Variants in COL10A1 observed in about 807,000 individuals in gnomAD.
The protein encoded by COL10A1 is collagen type X alpha 1 chain.
A neutral mutation model predicts 18.2 loss-of-function variants in COL10A1; 10 were observed. That is an observed-to-expected ratio of 0.55 (90% CI 0.34 to 0.93). The LOEUF (loss-of-function observed/expected upper bound fraction) is 0.93. Ranked by LOEUF, COL10A1 falls within the 40% of genes least tolerant of loss-of-function variation. The probability of loss-of-function intolerance (pLI) is 0.02; values close to 1 mark genes in which losing one functional copy is unlikely to be tolerated. For missense variants in COL10A1, 897 were observed against 853.5 expected, an observed-to-expected ratio of 1.05 and a Z score of -0.64; for synonymous variants, 330 against 316.6, an observed-to-expected ratio of 1.04 and a Z score of -0.45.
the COL10A1 span, among the ~76,000 whole-genome samples, chr6:116,185,559 G>C: frequency 1.3e-5 from 2 of 151,954 alleles, no homozygotes; most frequent in Admixed American, 6.6e-5. Flanking sequence ...TGTTGGGTGC[G>C]TATATAGTTA....
At chr6:116,185,452 C>T in the COL10A1 span, among the ~76,000 whole-genome samples, 3 of 152,058 alleles carry the variant, frequency 2.0e-5, no homozygotes, top group Admixed American at 1.3e-4. Context: ...CTAATGCTGT[C>T]AGTGGAGTAT....
intron 1 of COL10A1, among the ~76,000 whole-genome samples, chr6:116,141,596 A>C (rs992158815): frequency 6.6e-6 from 1 of 152,044 alleles, no homozygotes; most frequent in Non-Finnish European, 1.5e-5. Context: ...CCTTTTTCTA[A>C]TGGAATTAGT....
chr6:116,173,813 A>T, the COL10A1 span, among the ~76,000 whole-genome samples: 4 of 152,192 alleles, frequency 2.6e-5, no homozygotes, highest in East Asian at 7.7e-4. Context: ...TACCTTTGTC[A>T]CATCTAAGAA....
chr6:116,200,318 A>T, the COL10A1 span, among the ~76,000 whole-genome samples: 1 of 152,074 alleles, frequency 6.6e-6, no homozygotes, highest in African/African-American at 2.4e-5. Context: ...AGTAAACGTA[A>T]TATGGTATCC....
the COL10A1 span, among the ~76,000 whole-genome samples, chr6:116,188,372 C>T: frequency 6.6e-5 from 10 of 152,042 alleles, no homozygotes; most frequent in African/African-American, 1.9e-4. Context: ...TAGTGGCATT[C>T]ACTATTACAC....
chr6:116,180,238 G>A, the COL10A1 span, among the ~76,000 whole-genome samples: 1 of 152,016 alleles, frequency 6.6e-6, no homozygotes, highest in African/African-American at 2.4e-5. Context: ...ATTTTTCAAC[G>A]TTTAGAGGAT....
At chr6:116,160,051 A>G (rs1022357880), upstream of COL10A1, among the ~76,000 whole-genome samples, 1 of 152,094 alleles carries the variant, frequency 6.6e-6, no homozygotes, top group Non-Finnish European at 1.5e-5. Flanking sequence ...TGACTTTGCT[A>G]TTGTGAATAG....
the COL10A1 span, among the ~76,000 whole-genome samples, chr6:116,200,522 T>C: frequency 2.6e-5 from 4 of 152,092 alleles, no homozygotes; most frequent in African/African-American, 9.7e-5. Flanking sequence ...TTTGTAATTT[T>C]TCTGTCCATC....
intron 1 of COL10A1, among the ~76,000 whole-genome samples, chr6:116,140,597 T>G (rs557284949): frequency 1.3e-5 from 2 of 152,302 alleles, no homozygotes; most frequent in South Asian, 4.1e-4. Context: ...CCTGATGGCA[T>G]TCCCTGTGTT....
In COL10A1 at chr6:116,125,325, AC is replaced by A; in HGVS notation, c.154+13del. 1.9e-6 allele frequency: 3 copies of A among 1,612,726 alleles called. No homozygotes were observed. Among genetic ancestry groups the A allele is most frequent in the Non-Finnish European group, 1.7e-6 (2 of 1,179,122 alleles). Reference sequence around the variant, plus strand: ...GCAACTTGTTAATAGAACAAAATATACAATTCAATTTACCTTTACTCTTTAT... The same window carrying A: ...GCAACTTGTTAATAGAACAAAATATAAATTCAATTTACCTTTACTCTTTAT... On this transcript the variant is annotated intron_variant, in intron 2 of 2. Transcript: ENST00000651968.
the COL10A1 span, among the ~76,000 whole-genome samples, chr6:116,183,646 ATT>A: frequency 2.0e-5 from 3 of 146,602 alleles, no homozygotes; most frequent in African/African-American, 7.5e-5. Flanking sequence ...TTATTTTATT[ATT>A]TTTTTTTTGC....
the COL10A1 span, among the ~76,000 whole-genome samples, chr6:116,182,154 A>G: frequency 1.1e-4 from 16 of 151,618 alleles, no homozygotes; most frequent in African/African-American, 3.2e-4. Context: ...AGAACCTCCA[A>G]TTTCATCCAG....
At chr6:116,125,143 A>G (rs552989772) in intron 2 of COL10A1, among the ~76,000 whole-genome samples, 196 bp downstream of exon 2, 1 of 152,328 alleles carries the variant, frequency 6.6e-6, no homozygotes, top group African/African-American at 2.4e-5. Context: ...TATATTTTCA[A>G]GTATATCCTT....
chr6:116,175,679 T>C, the COL10A1 span, among the ~76,000 whole-genome samples: 1 of 152,216 alleles, frequency 6.6e-6, no homozygotes, highest in Non-Finnish European at 1.5e-5. Flanking sequence ...TTCAGTGATA[T>C]TTCCTTAGTT....
chr6:116,147,971 C>A (rs1196605222), intron 1 of COL10A1, among the ~76,000 whole-genome samples: 1 of 148,538 alleles, frequency 6.7e-6, no homozygotes, highest in Non-Finnish European at 1.5e-5. Flanking sequence ...GGCGACAGAG[C>A]GAGACTCTGT....
chr6:116,195,895 A>G, the COL10A1 span, among the ~76,000 whole-genome samples: 1 of 152,028 alleles, frequency 6.6e-6, no homozygotes, highest in Non-Finnish European at 1.5e-5. Flanking sequence ...TTAAGCCACA[A>G]GTTGGAAAGG....
At chr6:116,133,748 C>T (rs1299268632) in intron 1 of COL10A1, among the ~76,000 whole-genome samples, 1 of 152,212 alleles carries the variant, frequency 6.6e-6, no homozygotes, top group African/African-American at 2.4e-5. Context: ...CCTGCCATCC[C>T]TGGTTCCTGC....
In COL10A1 at chr6:116,120,750, G is replaced by A. The variant is rs768672956; in HGVS notation, c.1366C>T (p.Pro456Ser). The change falls in exon 3 of 3, where the codon CCA becomes TCA. Residue 456 changes from proline to serine, a missense_variant. By Grantham distance (74) the Pro-to-Ser change is moderately conservative. Transcript: ENST00000651968. ...CCAGGGAATCCTGGAATGCCTGGTG[G>A]CCCAATAGGGCCTCTAGTACCTGGT... Reference protein sequence around the residue: ...GIPGTRGPIGPPGIPGFPGSK... With the variant: ...GIPGTRGPIGSPGIPGFPGSK... 1.9e-6 allele frequency: 3 copies of A among 1,601,698 alleles called. No homozygotes were observed. The Admixed American group carries it at 5.2e-5, about 28-fold the overall frequency.
At chr6:116,165,340 C>T in the COL10A1 span, among the ~76,000 whole-genome samples, 1 of 152,086 alleles carries the variant, frequency 6.6e-6, no homozygotes, top group Non-Finnish European at 1.5e-5. Flanking sequence ...TATCATATCT[C>T]ACTGGTGTTC....
Sources: gnomAD v4.1 joint callset for allele counts (sites outside exome capture counted in the v4.1 genomes callset) on GRCh38, gnomAD v4.1.1 for gene constraint, MANE v1.5 for transcripts, NCBI Gene and HGNC (gene_info 2026-07-23, HGNC 2026-07-21) for gene names.